The following SMS variants were observed in gnomAD, a reference collection of about 807,000 sequenced individuals.
SMS encodes the protein spermidine aminopropyltransferase.
A neutral mutation model predicts 33.0 loss-of-function variants in SMS; 3 were observed. The ratio of observed to expected loss-of-function variants is 0.09; its 90% CI spans 0.04 to 0.23. The LOEUF (loss-of-function observed/expected upper bound fraction) is 0.23. SMS is among the 10% of genes least tolerant of loss of function. The probability of loss-of-function intolerance (pLI) is 1.00; values close to 1 mark genes in which losing one functional copy is unlikely to be tolerated. For synonymous variants in SMS, 103 were observed against 112.2 expected (o/e 0.92, Z 0.52); for missense variants, 117 against 288.6 (o/e 0.41, Z 4.31).
chrX:21,982,962 T>C (rs1925067814), intron 7 of SMS, among the ~76,000 whole-genome samples: 1 of 112,329 alleles, frequency 8.9e-6, no homozygotes, highest in South Asian at 3.6e-4. Flanking sequence ...TTTCTTAAAA[T>C]TATAACTGTG....
intron 1 of SMS, among the ~76,000 whole-genome samples, chrX:21,965,935 G>A (rs992482744): frequency 3.6e-5 from 4 of 110,997 alleles, no homozygotes; most frequent in Admixed American, 9.6e-5. Flanking sequence ...CAACCTGGGC[G>A]ACAGAGGGAG....
At chrX:21,979,820 A>G (rs1173722271) in intron 7 of SMS, among the ~76,000 whole-genome samples, 3 of 109,417 alleles carry the variant, frequency 2.7e-5, no homozygotes, top group African/African-American at 3.3e-5. Context: ...ACTCCCACCA[A>G]CAGTATAAAA....
intron 1 of SMS, among the ~76,000 whole-genome samples, chrX:21,961,424 T>C (rs1288264804): frequency 1.8e-5 from 2 of 110,427 alleles, no homozygotes; most frequent in Non-Finnish European, 3.8e-5. Flanking sequence ...GATCCAAGAC[T>C]TGTGATTGGA....
intron 1 of SMS, chrX:21,941,346 C>G (rs1249476491): frequency 4.1e-6 from 1 of 246,591 alleles, no homozygotes; most frequent in African/African-American, 3.0e-5. Context: ...CCCGCGCGAC[C>G]TTTTCCTGTT....
intron 1 of SMS, among the ~76,000 whole-genome samples, chrX:21,961,034 C>CTTT (rs773159264): frequency 8.6e-4 from 36 of 41,695 alleles, no homozygotes; most frequent in Non-Finnish European, 1.2e-3. Flanking sequence ...ATATGCATGT[C>CTTT]TTTTTTTTTT....
rs956177292 is a variant in SMS, at chrX:21,987,059, G to A, written c.945+1836G>A. ...TTCCCAGGCTGGAGTGCAATGGCGC[G>A]ATCTCAGCTCACCGCAACCTCCACC... On this transcript the variant is annotated intron_variant, in intron 9 of 10. Coordinates refer to ENST00000404933, the MANE Select transcript of SMS (RefSeq NM_004595.5). Among the ~76,000 whole-genome samples the A allele has an allele frequency of 2.9e-5, 3 of 102,753 alleles. No individual in the cohort carries two copies. The East Asian group carries it at 9.5e-4, about 32-fold the overall frequency. The allele number at this position is 102,753 out of a possible 115,157, so 89.2% of individuals were successfully genotyped here.
chrX:21,947,064 AG>A (rs1238973663), intron 1 of SMS, among the ~76,000 whole-genome samples: 1 of 111,827 alleles, frequency 8.9e-6, no homozygotes, highest in African/African-American at 3.3e-5. Context: ...CCTGTATTTG[AG>A]CTGCCTTCTG....
At chrX:21,955,128 G>T (rs187283359) in intron 1 of SMS, among the ~76,000 whole-genome samples, 3 of 111,967 alleles carry the variant, frequency 2.7e-5, no homozygotes, top group Non-Finnish European at 5.6e-5. Flanking sequence ...GAGCCACTGC[G>T]CCCGGCCTTG....
intron 1 of SMS, among the ~76,000 whole-genome samples, chrX:21,944,960 CAG>C (rs1318636359): frequency 1.8e-5 from 2 of 112,012 alleles, no homozygotes; most frequent in African/African-American, 6.5e-5. Flanking sequence ...GCCTGGGCGA[CAG>C]AGAGACTGTG....
chrX:21,971,492 G>GA (rs760267990), intron 2 of SMS, among the ~76,000 whole-genome samples: 8 of 111,757 alleles, frequency 7.2e-5, no homozygotes, highest in African/African-American at 2.3e-4. Context: ...CTGCAGTTAG[G>GA]AAAAAATGGC....
Position 21,964,858 on chromosome X carries a change from A to T in SMS, c.50-2338A>T, listed in dbSNP as rs150253198. On this transcript the variant is annotated intron_variant, in intron 1 of 10. Coordinates refer to ENST00000404933, the MANE Select transcript of SMS (RefSeq NM_004595.5). ...AGGGTTGCTGTAACAAAGTACTACAAATTGGATAGTTTACAATGGCAGAGA... is the reference window on the plus strand; with the variant it reads ...AGGGTTGCTGTAACAAAGTACTACATATTGGATAGTTTACAATGGCAGAGA... 2.7e-4 allele frequency among the ~76,000 whole-genome samples: 30 copies of T among 112,054 alleles called. 1 individual carries two copies. Among genetic ancestry groups the T allele is most frequent in the African/African-American group, 9.7e-4 (30 of 30,850 alleles).
intron 7 of SMS, among the ~76,000 whole-genome samples, chrX:21,982,198 C>T (rs975817055): frequency 3.7e-5 from 4 of 108,402 alleles, no homozygotes; most frequent in African/African-American, 1.0e-4. Context: ...ATTAGCTGGG[C>T]GTGGTGGCGG....
chrX:21,966,412 G>A (rs1470264292), intron 1 of SMS, among the ~76,000 whole-genome samples: 2 of 112,029 alleles, frequency 1.8e-5, no homozygotes, highest in East Asian at 5.6e-4. Flanking sequence ...CTTATTCTAA[G>A]TATTGTAATG....
At chrX:21,972,110 C>G in intron 3 of SMS, 120 bp downstream of exon 3, 2 of 543,942 alleles carry the variant, frequency 3.7e-6, no homozygotes, top group East Asian at 3.6e-5. Flanking sequence ...TTCCTCCCTC[C>G]ACATAAGTGA....
At chrX:21,961,034 C>CTT (rs773159264) in intron 1 of SMS, among the ~76,000 whole-genome samples, 81 of 41,693 alleles carry the variant, frequency 1.9e-3, no homozygotes, top group East Asian at 4.1e-3. Flanking sequence ...ATATGCATGT[C>CTT]TTTTTTTTTT....
At chrX:21,944,544 A>AAAAAAAAAAAAAAAAAAAAAAAAG (rs1555992699) in intron 1 of SMS, among the ~76,000 whole-genome samples, 2 of 99,059 alleles carry the variant, frequency 2.0e-5, no homozygotes, top group African/African-American at 3.8e-5. Flanking sequence ...AAAAAAAAAA[A>AAAAAAAAAAAAAAAAAAAAAAAAG]AGAAAAAAAA....
At chrX:21,947,628 A>T (rs181012471) in intron 1 of SMS, among the ~76,000 whole-genome samples, 1 of 111,461 alleles carries the variant, frequency 9.0e-6, no homozygotes, top group East Asian at 2.8e-4. Context: ...TCCTGGCTAC[A>T]GTCTCCCCAT....
Position 21,994,496 on chromosome X carries a change from C to T in SMS, c.*145C>T. On this transcript the variant is annotated 3_prime_UTR_variant, in exon 11 of 11. Transcript: ENST00000404933. ...AATAATTATTTTTAATTTAAAAAAG[C>T]AAATGGAAAATGTATATTTTGATGA... 1 of 1,071,410 alleles carries T rather than the reference C, an allele frequency of 9.3e-7. No homozygotes were observed. Among genetic ancestry groups the T allele is most frequent in the Non-Finnish European group, 1.2e-6 (1 of 827,781 alleles). 88.3% of individuals were successfully genotyped at this position (1,071,410 alleles called of 1,213,427 possible). A position where few individuals can be genotyped will look rare whatever the true frequency, so the allele number is the denominator to read the frequency against.
At chrX:21,954,066 G>T (rs1922811499) in intron 1 of SMS, among the ~76,000 whole-genome samples, 1 of 110,994 alleles carries the variant, frequency 9.0e-6, no homozygotes, top group South Asian at 3.8e-4. Flanking sequence ...GATAATGTTC[G>T]ACGTATTCCT....
Sources: gnomAD v4.1 joint callset for allele counts (sites outside exome capture counted in the v4.1 genomes callset) on GRCh38, gnomAD v4.1.1 for gene constraint, MANE v1.5 for transcripts, NCBI Gene and HGNC (gene_info 2026-07-23, HGNC 2026-07-21) for gene names.